Variants in PALM2AKAP2 observed in about 807,000 individuals in gnomAD.
PALM2AKAP2 encodes PALM2 and AKAP2 fusion, also known as PALM2-AKAP2 fusion protein.
PALM2AKAP2 carries 37 observed loss-of-function variants against 71.5 expected under a neutral mutation model. The ratio of observed to expected loss-of-function variants is 0.52; its 90% CI spans 0.40 to 0.68. PALM2AKAP2 has a LOEUF of 0.68. Among genes scored for constraint, PALM2AKAP2 ranks in the 30% least tolerant of loss-of-function variants. The pLI is 0.00. For missense variants in PALM2AKAP2, 1,224 were observed against 1,191.8 expected, an observed-to-expected ratio of 1.03 and a Z score of -0.40; for synonymous variants, 468 against 478.8, an observed-to-expected ratio of 0.98 and a Z score of 0.29.
At chr9:110,072,002 T>TTAG (rs1392815805) in intron 1 of PALM2AKAP2, among the ~76,000 whole-genome samples, 2 of 152,086 alleles carry the variant, frequency 1.3e-5, no homozygotes, top group African/African-American at 4.8e-5. Context: ...GAAAGGTGAG[T>TTAG]TAGTAGTAGT....
At position 109,774,664 on chromosome 9, in the gene PALM2AKAP2, T is replaced by TA. The variant is rs57741241; in HGVS notation, c.6-5812dup. Among the ~76,000 whole-genome samples the TA allele has an allele frequency of 3.9e-3, 553 of 140,758 alleles. 7 individuals are homozygous for TA. The East Asian group carries it at 0.046, about 12-fold the overall frequency. 92.3% of individuals were successfully genotyped at this position (140,758 alleles called of 152,430 possible). The stretch of plus-strand genomic sequence containing the variant: ...TTAAGAATACCGATAGCTCAACCCT[T>TA]AAAAAAAAAAAAGCCTACATAAAAG... On this transcript the variant is annotated intron_variant, in intron 1 of 6. Coordinates refer to the PALM2AKAP2 transcript ENST00000374531.
At chr9:109,813,619 G>A (rs1037760709) in intron 1 of PALM2AKAP2, among the ~76,000 whole-genome samples, 1 of 152,148 alleles carries the variant, frequency 6.6e-6, no homozygotes, top group Admixed American at 6.5e-5. Flanking sequence ...GGGTCTTGAA[G>A]TAGAACCTTG....
Position 109,895,965 on chromosome 9 carries a change from C to T in PALM2AKAP2, c.257+15284C>T, listed in dbSNP as rs184878262. Among the ~76,000 whole-genome samples, 4 of 152,238 alleles carry T rather than the reference C, an allele frequency of 2.6e-5. No homozygotes were observed. The East Asian group carries it at 7.7e-4, about 29-fold the overall frequency. ...TTAGGAGGTTGAGTTGGGTGGATCG[C>T]TTGAGGTCAGGAGTTTGAGACCAGC... On this transcript the variant is annotated intron_variant, in intron 3 of 9. Transcript: ENST00000302798.
At chr9:109,660,328 T>G (rs1018501331) in intron 1 of PALM2AKAP2, among the ~76,000 whole-genome samples, 2 of 152,200 alleles carry the variant, frequency 1.3e-5, no homozygotes, top group African/African-American at 4.8e-5. Context: ...GTATTTCTCC[T>G]AATGCTATCC....
chr9:109,772,529 TCTCTGTTTCTCCCATCTCATC>T (rs1249197580), intron 1 of PALM2AKAP2, among the ~76,000 whole-genome samples: 1 of 152,244 alleles, frequency 6.6e-6, no homozygotes, highest in Non-Finnish European at 1.5e-5. Flanking sequence ...CTTCTGCTTA[TCTCTGTTTCTCCCATCTCATC>T]CTCTGACTGC....
At chr9:109,783,583 G>A (rs1359745515) in intron 1 of PALM2AKAP2, among the ~76,000 whole-genome samples, 2 of 152,178 alleles carry the variant, frequency 1.3e-5, no homozygotes, top group Non-Finnish European at 2.9e-5. Flanking sequence ...AGAGACATGA[G>A]CCACTATACT....
intron 1 of PALM2AKAP2, among the ~76,000 whole-genome samples, chr9:109,755,863 G>A (rs1828956068): frequency 6.6e-6 from 1 of 152,094 alleles, no homozygotes; most frequent in African/African-American, 2.4e-5. Flanking sequence ...CTTTTGCACA[G>A]AGTAATCATC....
intron 6 of PALM2AKAP2, among the ~76,000 whole-genome samples, chr9:109,959,381 C>G (rs539665105): frequency 2.0e-5 from 3 of 152,054 alleles, no homozygotes; most frequent in South Asian, 4.2e-4. Flanking sequence ...GGTGGTGGCT[C>G]AAGCCTGTAA....
intron 6 of PALM2AKAP2, among the ~76,000 whole-genome samples, chr9:109,993,105 C>A (rs1328678905): frequency 6.6e-6 from 1 of 150,730 alleles, no homozygotes; most frequent in African/African-American, 2.4e-5. Context: ...TTTTCTGTCC[C>A]CTGCAGCTGC....
intron 6 of PALM2AKAP2, among the ~76,000 whole-genome samples, chr9:109,968,810 G>A (rs1239340164): frequency 6.6e-6 from 1 of 152,152 alleles, no homozygotes; most frequent in Non-Finnish European, 1.5e-5. Context: ...TAAGACCCCT[G>A]GAAAGGCTGG....
At chr9:110,004,400 C>G (rs1832739203) in intron 6 of PALM2AKAP2, among the ~76,000 whole-genome samples, 1 of 152,230 alleles carries the variant, frequency 6.6e-6, no homozygotes, top group Non-Finnish European at 1.5e-5. Context: ...GAGAGATCAA[C>G]TGTTAGTCTG....
rs573605879 is a variant in PALM2AKAP2, at chr9:109,805,192, C to G, written c.45+24659C>G. Among the ~76,000 whole-genome samples, 6 of 152,266 alleles carry G rather than the reference C, an allele frequency of 3.9e-5. No homozygotes were observed. The East Asian group carries it at 7.7e-4, about 20-fold the overall frequency. On this transcript the variant is annotated intron_variant, in intron 1 of 9. Transcript: ENST00000302798. ...GGGGATAAGGGGTCATTGAGACCAT[C>G]AGAGAACCTCCTCCTGCAGCTCTGT...
At chr9:110,093,659 G>C (rs1317762649) in intron 1 of PALM2AKAP2, among the ~76,000 whole-genome samples, 1 of 151,988 alleles carries the variant, frequency 6.6e-6, no homozygotes, top group African/African-American at 2.4e-5. Context: ...TTGTGATCTG[G>C]GGCCCATCTC....
intron 1 of PALM2AKAP2, among the ~76,000 whole-genome samples, chr9:109,680,020 G>A (rs529151599): frequency 6.6e-6 from 1 of 152,146 alleles, no homozygotes; most frequent in Non-Finnish European, 1.5e-5. Context: ...AAAGGAGAGA[G>A]TTTTTCAACT....
chr9:109,869,136 A>C (rs1829536193), intron 2 of PALM2AKAP2, among the ~76,000 whole-genome samples: 1 of 152,182 alleles, frequency 6.6e-6, no homozygotes, highest in Non-Finnish European at 1.5e-5. Flanking sequence ...CTTTAAGCTC[A>C]ACGTAGTTCT....
chr9:110,048,667 T>C, upstream of PALM2AKAP2: 1 of 1,492,816 alleles, frequency 6.7e-7, no homozygotes, highest in Non-Finnish European at 8.8e-7. Flanking sequence ...CTCCCCGCCC[T>C]CCAGCGCGCC....
At chr9:110,147,623 A>G (rs750756833) in intron 2 of PALM2AKAP2, among the ~76,000 whole-genome samples, 2 of 152,146 alleles carry the variant, frequency 1.3e-5, no homozygotes, top group African/African-American at 4.8e-5. Context: ...GGGGGGAAAA[A>G]ATAGCTGAAT....
chr9:109,717,934 A>T (rs1828351171), intron 1 of PALM2AKAP2, among the ~76,000 whole-genome samples: 1 of 152,188 alleles, frequency 6.6e-6, no homozygotes, highest in African/African-American at 2.4e-5. Context: ...AAAAGGAGAT[A>T]TGTGGAAAGA....
At chr9:109,901,130 T>C (rs975046306) in intron 3 of PALM2AKAP2, among the ~76,000 whole-genome samples, 2 of 152,196 alleles carry the variant, frequency 1.3e-5, no homozygotes, top group East Asian at 3.8e-4. Context: ...TTTGGCCCTT[T>C]CAGCCTCAAG....
Sources: gnomAD v4.1 joint callset for allele counts (sites outside exome capture counted in the v4.1 genomes callset) on GRCh38, gnomAD v4.1.1 for gene constraint, MANE v1.5 for transcripts, NCBI Gene and HGNC (gene_info 2026-07-23, HGNC 2026-07-21) for gene names.